The following NPL variants were observed in gnomAD, a reference collection of about 807,000 sequenced individuals.
NPL encodes the protein N-acetylneuraminate pyruvate lyase.
In NPL, 32 loss-of-function variants were observed where a neutral mutation model predicts 41.1. The ratio of observed to expected loss-of-function variants is 0.78; its 90% CI spans 0.59 to 1.05. The LOEUF (loss-of-function observed/expected upper bound fraction) is 1.05, where lower values mean the gene tolerates loss of function less well. NPL is among the 50% of genes least tolerant of loss of function. NPL has a pLI of 0.00. For synonymous variants in NPL, 128 were observed against 134.9 expected (o/e 0.95, Z 0.35); for missense variants, 321 against 378.4 (o/e 0.85, Z 1.26).
At chr1:182,821,371 T>C (rs1224489544) in intron 10 of NPL, among the ~76,000 whole-genome samples, 12 of 152,188 alleles carry the variant, frequency 7.9e-5, no homozygotes, top group Admixed American at 7.9e-4. Flanking sequence ...TCTTTATAGG[T>C]AGAGTTGGAG....
In NPL at chr1:182,797,034, C is replaced by CAAAAAAAAA. The variant is rs59582125; in HGVS notation, c.68+2604_68+2612dup. Among the ~76,000 whole-genome samples, 43 of 96,030 alleles carry CAAAAAAAAA rather than the reference C, an allele frequency of 4.5e-4. 1 individual carries two copies. The highest frequency in any genetic ancestry group is 1.0e-3 in the African/African-American group (29 of 28,054). 63.0% of individuals were successfully genotyped at this position (96,030 alleles called of 152,430 possible). Reference sequence around the variant, plus strand: ...TGGGCAACAGAGTGAGAATATGTCTCAAAAAAAAAAAAAAAAAGCTCTTTC... The same window carrying CAAAAAAAAA: ...TGGGCAACAGAGTGAGAATATGTCTCAAAAAAAAAAAAAAAAAAAAAAAAAAGCTCTTTC... On this transcript the variant is annotated intron_variant, in intron 3 of 12. Transcript: ENST00000367553.
intron 5 of NPL, chr1:182,809,410 G>A: frequency 3.6e-6 from 1 of 281,542 alleles, no homozygotes; most frequent in Non-Finnish European, 7.1e-6. Context: ...CATGGTGGCA[G>A]GTACCTGTAA....
At chr1:182,809,308 G>T (rs1420808622) in intron 5 of NPL, 5 of 392,460 alleles carry the variant, frequency 1.3e-5, no homozygotes, top group African/African-American at 6.4e-5. Context: ...GGAGGCCAAG[G>T]TAGGCAGATC....
In NPL at chr1:182,803,514, A is replaced by G. The variant is rs77791923; in HGVS notation, c.69-184A>G. On this transcript the variant is annotated intron_variant, in intron 3 of 12. Transcript: ENST00000367553. ...AAGTGAGGCATACATGGCTGAGTGA[A>G]GAAATCACCAGATTCAGGGGGGGAA... 3.6e-3 allele frequency among the ~76,000 whole-genome samples: 546 copies of G among 151,260 alleles called. 1 individual carries two copies. The highest frequency in any genetic ancestry group is 0.013 in the African/African-American group (537 of 40,626).
chr1:182,803,357 A>T (rs963447292), intron 3 of NPL, among the ~76,000 whole-genome samples: 1 of 152,196 alleles, frequency 6.6e-6, no homozygotes, highest in Non-Finnish European at 1.5e-5. Flanking sequence ...AGGGCAAAAG[A>T]TGTGTGGCCA....
intron 11 of NPL, 152 bp from the exon 12 acceptor site, chr1:182,825,629 A>G: frequency 1.5e-6 from 1 of 655,668 alleles, no homozygotes; most frequent in Admixed American, 2.3e-5. Flanking sequence ...GATCCCAGCC[A>G]TCTTCACTTG....
chr1:182,828,665 ATT>A lies in NPL; in HGVS notation c.779-55_779-54del. ...TTAGCATATGATCTCCTTCTTTGGG[ATT>A]TTTGTGGAGAGATAGACGGTACCAG... On this transcript the variant is annotated intron_variant, in intron 12 of 12. Coordinates refer to ENST00000367553, the MANE Select transcript of NPL (RefSeq NM_030769.3). This position sits in a 1 kb window ranked among gnomAD's most constrained non-coding sequence, Gnocchi z 4.0. 2 of 1,611,384 alleles carry A rather than the reference ATT, an allele frequency of 1.2e-6. No individual in the cohort carries two copies. The highest frequency in any genetic ancestry group is 1.7e-6 in the Non-Finnish European group (2 of 1,178,546).
intron 3 of NPL, 42 bp from the exon 4 acceptor site, chr1:182,803,656 T>G: frequency 7.5e-7 from 1 of 1,335,318 alleles, no homozygotes; most frequent in Non-Finnish European, 1.1e-6. Context: ...AATAATAATC[T>G]GAAAAAGACT....
In NPL at chr1:182,812,158, T is replaced by A; in HGVS notation, c.233T>A (p.Leu78Gln). The change falls in exon 6 of 13, where the codon CTG becomes CAG. Residue 78 changes from leucine (L) to glutamine (Q), a missense_variant and splice_region_variant. Leu to Gln is a moderately radical substitution (Grantham distance 113). Coordinates refer to ENST00000367553, the MANE Select transcript of NPL (RefSeq NM_030769.3). ...CAGCAGTGTTTTTTCTTTTGCAGGC[T>A]GGATCAGGTGATAATTCACGTAGGA... The part of the protein sequence containing the change: ...EEWVTKGKDK[L>Q]DQVIIHVGAL... 1 of 1,613,940 alleles carries A rather than the reference T, an allele frequency of 6.2e-7. No homozygotes were observed. The highest frequency in any genetic ancestry group is 8.5e-7 in the Non-Finnish European group (1 of 1,179,790).
At chr1:182,790,766 C>T (rs1223215253) in intron 1 of NPL, among the ~76,000 whole-genome samples, 1 of 152,146 alleles carries the variant, frequency 6.6e-6, no homozygotes, top group East Asian at 1.9e-4. Flanking sequence ...GCCTCAGCCT[C>T]CCGAGTAGCT....
At chr1:182,818,007 A>C (rs1019590925) in intron 8 of NPL, among the ~76,000 whole-genome samples, 2 of 151,926 alleles carry the variant, frequency 1.3e-5, no homozygotes, top group Non-Finnish European at 2.9e-5. Context: ...TGAAAGTTCC[A>C]CCCCTCTAAG....
intron 11 of NPL, among the ~76,000 whole-genome samples, chr1:182,824,394 T>C (rs1227204115): frequency 6.6e-6 from 1 of 152,254 alleles, no homozygotes; most frequent in Admixed American, 6.5e-5. Context: ...TAAAATTTTA[T>C]TCTACATTTT....
intron 7 of NPL, 45 bp from the exon 8 acceptor site, chr1:182,816,669 G>C (rs1557949889): frequency 7.2e-7 from 1 of 1,386,526 alleles, no homozygotes; most frequent in Admixed American, 1.7e-5. Context: ...GAAAGCCACT[G>C]TTTTACACCT....
At chr1:182,825,851 C>T in intron 12 of NPL, 31 bp downstream of exon 12, 1 of 1,530,394 alleles carries the variant, frequency 6.5e-7, no homozygotes, top group Non-Finnish European at 9.0e-7. Flanking sequence ...GCTTTGTCTG[C>T]TGCTGGAGAC....
intron 7 of NPL, among the ~76,000 whole-genome samples, chr1:182,815,787 T>C (rs535542631): frequency 9.9e-5 from 15 of 152,208 alleles, no homozygotes; most frequent in African/African-American, 3.1e-4. Flanking sequence ...AAAAAAATTT[T>C]ATAGGGACAG....
chr1:182,819,853 G>T (rs545032329), intron 10 of NPL, among the ~76,000 whole-genome samples: 1 of 152,280 alleles, frequency 6.6e-6, no homozygotes, highest in South Asian at 2.1e-4. Flanking sequence ...ATTTGAACTA[G>T]CTTATGTACA....
chr1:182,800,725 C>CT (rs56908108), intron 3 of NPL, among the ~76,000 whole-genome samples: 7,595 of 101,710 alleles, frequency 0.075, 552 homozygotes, highest in African/African-American at 0.11. Flanking sequence ...GTAGCCCTGG[C>CT]TTTTTTTTTT....
chr1:182,804,240 T>C (rs1666939194), intron 4 of NPL, among the ~76,000 whole-genome samples: 2 of 152,206 alleles, frequency 1.3e-5, no homozygotes, highest in Admixed American at 6.5e-5. Flanking sequence ...GCAATTCTCC[T>C]GCCTCAGCCT....
At chr1:182,806,360 T>C in intron 5 of NPL, 128 bp downstream of exon 5, 1 of 1,552,914 alleles carries the variant, frequency 6.4e-7, no homozygotes, top group Non-Finnish European at 8.7e-7. Context: ...GGTGGGAAGA[T>C]GAGCAGGGCC....
Sources: allele counts gnomAD v4.1 joint callset (sites outside exome capture counted in the v4.1 genomes callset), GRCh38; gene constraint gnomAD v4.1.1; non-coding constraint Gnocchi (gnomAD v3.1); transcripts MANE v1.5; gene names NCBI Gene and HGNC (gene_info 2026-07-23, HGNC 2026-07-21).